CACNG5: variants seen among roughly 807,000 people sequenced by gnomAD.
CACNG5 encodes voltage-dependent calcium channel gamma-5 subunit.
A neutral mutation model predicts 24.8 loss-of-function variants in CACNG5; 18 were observed. That is an observed-to-expected ratio of 0.73 (90% CI 0.50 to 1.08). The LOEUF (loss-of-function observed/expected upper bound fraction) is 1.08, where lower values mean the gene tolerates loss of function less well. Ranked by LOEUF, CACNG5 falls within the 50% of genes least tolerant of loss-of-function variation. CACNG5 has a pLI of 0.00. For missense variants in CACNG5, 349 were observed against 367.9 expected, an observed-to-expected ratio of 0.95 and a Z score of 0.42; for synonymous variants, 157 against 149.1, an observed-to-expected ratio of 1.05 and a Z score of -0.39.
At chr17:66,852,426 G>T (rs1432978123) in intron 1 of CACNG5, among the ~76,000 whole-genome samples, 1 of 151,974 alleles carries the variant, frequency 6.6e-6, no homozygotes, top group Non-Finnish European at 1.5e-5. Flanking sequence ...TCTCTCTCTG[G>T]AGAACCCTAA....
chr17:66,856,275 C>T lies in CACNG5; in HGVS notation c.-103-20955C>T, dbSNP rs192689066. 3.8e-3 allele frequency among the ~76,000 whole-genome samples: 586 copies of T among 152,250 alleles called. 3 individuals are homozygous for T. The highest frequency in any genetic ancestry group is 4.9e-3 in the Non-Finnish European group (335 of 68,020). ...CAAAAGAGTGAAATACTTTTATGCT[C>T]CTGCCAGCAGATAATGGAAGTTATT... On this transcript the variant is annotated intron_variant, in intron 1 of 5. Coordinates refer to ENST00000533854, the MANE Select transcript of CACNG5 (RefSeq NM_145811.3).
intron 1 of CACNG5, among the ~76,000 whole-genome samples, chr17:66,866,126 C>T (rs1245990728): frequency 6.6e-6 from 1 of 152,038 alleles, no homozygotes; most frequent in Non-Finnish European, 1.5e-5. Context: ...CCTGGATGTT[C>T]TAGAGTAGAG....
intron 4 of CACNG5, among the ~76,000 whole-genome samples, chr17:66,883,316 T>C (rs1391197880): frequency 6.6e-6 from 1 of 152,112 alleles, no homozygotes; most frequent in Admixed American, 6.6e-5. Flanking sequence ...AAATCTAGGA[T>C]TGAGATGGGC....
intron 1 of CACNG5, among the ~76,000 whole-genome samples, chr17:66,847,420 C>A (rs1035299616): frequency 6.6e-6 from 1 of 152,100 alleles, no homozygotes; most frequent in African/African-American, 2.4e-5. Context: ...TGGTAGAAGG[C>A]GAAGGAGGAG....
intron 1 of CACNG5, among the ~76,000 whole-genome samples, chr17:66,845,943 A>T (rs1976634086): frequency 6.6e-6 from 1 of 151,932 alleles, no homozygotes; most frequent in Non-Finnish European, 1.5e-5. Flanking sequence ...TAAGGACCTG[A>T]CCTCCTGCCT....
intron 1 of CACNG5, among the ~76,000 whole-genome samples, chr17:66,847,512 A>G (rs1568062677): frequency 6.6e-6 from 1 of 151,946 alleles, no homozygotes; most frequent in Non-Finnish European, 1.5e-5. Context: ...ATCTCGTGAG[A>G]CTTACTATCA....
chr17:66,885,023 A>T lies in CACNG5; in HGVS notation c.611A>T (p.Tyr204Phe). The T allele has an allele frequency of 6.2e-7, 1 of 1,614,134 alleles. No homozygotes were observed. Residue 204 changes from tyrosine to phenylalanine, a missense_variant, in exon 6 of 6, where the codon TAC (tyrosine) becomes TTC (phenylalanine). Physicochemically the swap from Tyr to Phe is conservative, Grantham distance 22. Coordinates refer to ENST00000533854, the MANE Select transcript of CACNG5 (RefSeq NM_145811.3). ...VMSVYLFMKR[Y>F]TAEDMYRPHP... ...TCTGTGTACCTGTTTATGAAGCGGT[A>T]CACCGCGGAGGACATGTACAGGCCC...
rs3760267 is a variant in CACNG5, at chr17:66,875,259, C to T, written c.-103-1971C>T. On this transcript the variant is annotated intron_variant, in intron 1 of 5. Transcript: ENST00000533854. ...AAACTGTCCTGCTCCCCTCTGCCCA[C>T]GCTGTTGCATGGAGAATGATTTGGC... is the stretch of plus-strand genomic sequence containing the variant. Among the ~76,000 whole-genome samples, 131 of 152,194 alleles carry T rather than the reference C, an allele frequency of 8.6e-4. 3 individuals carry two copies. The East Asian group carries it at 0.024, about 27-fold the overall frequency.
rs71160595 is a variant in CACNG5, at chr17:66,838,960, C to CTTTTTTTTTT, written c.-104+3720_-104+3729dup. On this transcript the variant is annotated intron_variant, in intron 1 of 5. Coordinates refer to ENST00000533854, the MANE Select transcript of CACNG5 (RefSeq NM_145811.3). ...GTAGCACCCCAGTCCCTCACCCATT[C>CTTTTTTTTTT]TTTTTTTTTTTTTTTTTTTGAGACA... Among the ~76,000 whole-genome samples the CTTTTTTTTTT allele has an allele frequency of 2.2e-4, 19 of 88,092 alleles. 2 individuals are homozygous for CTTTTTTTTTT. Among genetic ancestry groups the CTTTTTTTTTT allele is most frequent in the African/African-American group, 3.9e-4 (8 of 20,486 alleles). 57.8% of individuals were successfully genotyped at this position (88,092 alleles called of 152,430 possible). A position where few individuals can be genotyped will look rare whatever the true frequency, so the allele number is the denominator to read the frequency against.
intron 1 of CACNG5, among the ~76,000 whole-genome samples, chr17:66,845,960 G>A (rs753852206): frequency 2.6e-5 from 4 of 152,138 alleles, no homozygotes; most frequent in Non-Finnish European, 5.9e-5. Flanking sequence ...GCCTCTTGGG[G>A]CTCCAAGACC....
chr17:66,854,841 A>G (rs1976750570), intron 1 of CACNG5, among the ~76,000 whole-genome samples: 1 of 152,202 alleles, frequency 6.6e-6, no homozygotes, highest in African/African-American at 2.4e-5. Flanking sequence ...ATAGAAAAAA[A>G]AATGGGAAAA....
At chr17:66,844,668 G>T (rs542955408) in intron 1 of CACNG5, among the ~76,000 whole-genome samples, 1 of 148,822 alleles carries the variant, frequency 6.7e-6, no homozygotes, top group African/African-American at 2.5e-5. Flanking sequence ...CACAGCCATT[G>T]TGTGCAAGGG....
chr17:66,844,776 G>C (rs553573300), intron 1 of CACNG5, among the ~76,000 whole-genome samples: 1 of 152,248 alleles, frequency 6.6e-6, no homozygotes, highest in Non-Finnish European at 1.5e-5. Context: ...CATTTTATAG[G>C]TGAAGAAACT....
chr17:66,879,843 T>A (rs1977133122), intron 3 of CACNG5, among the ~76,000 whole-genome samples: 1 of 152,152 alleles, frequency 6.6e-6, no homozygotes, highest in Non-Finnish European at 1.5e-5. Context: ...GATCATGTGA[T>A]TGAACTCACC....
At chr17:66,855,586 C>T (rs970477333) in intron 1 of CACNG5, among the ~76,000 whole-genome samples, 9 of 152,124 alleles carry the variant, frequency 5.9e-5, no homozygotes, top group Non-Finnish European at 8.8e-5. Flanking sequence ...TGCAGTGTTG[C>T]GATCTCGGTT....
At chr17:66,867,111 A>G (rs1265506704) in intron 1 of CACNG5, among the ~76,000 whole-genome samples, 1 of 152,160 alleles carries the variant, frequency 6.6e-6, no homozygotes, top group Non-Finnish European at 1.5e-5. Context: ...TCCTATTTCT[A>G]CATAGCCTTG....
intron 1 of CACNG5, among the ~76,000 whole-genome samples, chr17:66,841,210 G>A (rs1976563043): frequency 6.6e-6 from 1 of 152,172 alleles, no homozygotes; most frequent in Non-Finnish European, 1.5e-5. Context: ...TTGGAGCATG[G>A]AGGGGGCTTC....
intron 1 of CACNG5, among the ~76,000 whole-genome samples, chr17:66,869,289 G>C (rs1976970481): frequency 6.6e-6 from 1 of 152,026 alleles, no homozygotes; most frequent in Non-Finnish European, 1.5e-5. Context: ...TCACCAAGTT[G>C]GCCAGGCTGG....
At chr17:66,855,042 A>G (rs931579150) in intron 1 of CACNG5, among the ~76,000 whole-genome samples, 10 of 152,232 alleles carry the variant, frequency 6.6e-5, no homozygotes, top group Non-Finnish European at 1.5e-4. Flanking sequence ...AAGGCCTGAG[A>G]ATTCTTACAT....
Sources: gnomAD v4.1 joint callset for allele counts (sites outside exome capture counted in the v4.1 genomes callset) on GRCh38, gnomAD v4.1.1 for gene constraint, MANE v1.5 for transcripts, NCBI Gene and HGNC (gene_info 2026-07-23, HGNC 2026-07-21) for gene names.